Variants in PTPRS observed in about 807,000 individuals in gnomAD.
PTPRS encodes receptor-type tyrosine-protein phosphatase S.
Under a neutral mutation model 215.3 loss-of-function variants are expected in PTPRS, and 63 were observed. That is an observed-to-expected ratio of 0.29 (90% CI 0.24 to 0.36). The LOEUF (loss-of-function observed/expected upper bound fraction) is 0.36, where lower values mean the gene tolerates loss of function less well. Ranked by LOEUF, PTPRS falls within the 10% of genes least tolerant of loss-of-function variation. The pLI, the probability that PTPRS is intolerant of heterozygous loss-of-function variation, is 1.00. For synonymous variants in PTPRS, 1,404 were observed against 1,191.4 expected, an observed-to-expected ratio of 1.18 and a Z score of -3.68; for missense variants, 2,258 against 2,825.8, an observed-to-expected ratio of 0.80 and a Z score of 4.56.
chr19:5,211,494 ATC>A (rs1233159802), intron 33 of PTPRS, 94 bp downstream of exon 33: 5 of 1,280,208 alleles, frequency 3.9e-6, no homozygotes, highest in Non-Finnish European at 5.3e-6. Flanking sequence ...GGCTACCAGT[ATC>A]TCCCCAGCTC....
intron 4 of PTPRS, among the ~76,000 whole-genome samples, chr19:5,267,650 G>T (rs1201409017): frequency 1.0e-5 from 1 of 97,478 alleles, no homozygotes; most frequent in Admixed American, 1.0e-4. Flanking sequence ...GAGCAAGACT[G>T]TCTCAAAAAA....
intron 1 of PTPRS, among the ~76,000 whole-genome samples, chr19:5,299,728 C>T (rs764556512): frequency 4.0e-5 from 6 of 151,628 alleles, no homozygotes; most frequent in East Asian, 2.0e-4. Context: ...AAAAATTAGC[C>T]GGGCATGGTG....
intron 30 of PTPRS, among the ~76,000 whole-genome samples, chr19:5,214,136 G>T (rs556338877): frequency 6.6e-6 from 1 of 152,212 alleles, no homozygotes. Flanking sequence ...GTTGGGCTCT[G>T]CCGGCTTTGT....
intron 1 of PTPRS, among the ~76,000 whole-genome samples, 171 bp downstream of exon 1, chr19:5,340,493 G>T (rs115476531): frequency 0.011 from 1,697 of 151,416 alleles, 25 homozygotes; most frequent in African/African-American, 0.039. Flanking sequence ...GGGCGCAGCG[G>T]CTGGGCGTGC....
chr19:5,219,816 T>G, intron 22 of PTPRS, 123 bp downstream of exon 22: 1 of 1,137,534 alleles, frequency 8.8e-7, no homozygotes, highest in South Asian at 1.5e-5. Context: ...AGTCTTCCCC[T>G]CTGCCCAGCT....
chr19:5,264,185 GGA>G (rs1555786986), intron 5 of PTPRS, among the ~76,000 whole-genome samples: 1 of 44,906 alleles, frequency 2.2e-5, no homozygotes, highest in Non-Finnish European at 7.0e-5. Context: ...GCTCAGCCTT[GGA>G]GAGACTCTCT....
chr19:5,309,165 G>C (rs1402811069), intron 1 of PTPRS, among the ~76,000 whole-genome samples: 1 of 151,690 alleles, frequency 6.6e-6, no homozygotes, highest in African/African-American at 2.4e-5. Flanking sequence ...AGGGGGGGTT[G>C]GCTGGCTCTG....
chr19:5,222,090 C>T (rs2042025371), intron 19 of PTPRS, 33 bp downstream of exon 19: 2 of 1,565,368 alleles, frequency 1.3e-6, no homozygotes, highest in Non-Finnish European at 1.8e-6. Flanking sequence ...CTGACCCTGC[C>T]TGCCTGCCTG....
rs796731693 is a variant in PTPRS, at chr19:5,298,662, G to A, written c.-94-12428C>T. Among the ~76,000 whole-genome samples, 13 of 152,316 alleles carry A rather than the reference G, an allele frequency of 8.5e-5. No homozygotes were observed. The East Asian group carries it at 1.9e-3, about 23-fold the overall frequency. ...ATGTTCACATCACAGCCCTGGCGCC[G>A]GGTCTACCCGCCAGCCGCACCGCAG... On this transcript the variant is annotated intron_variant, in intron 1 of 37. Transcript: ENST00000262963.
intron 2 of PTPRS, among the ~76,000 whole-genome samples, chr19:5,275,099 C>T (rs2047247003): frequency 6.7e-6 from 1 of 149,770 alleles, no homozygotes; most frequent in Non-Finnish European, 1.5e-5. Context: ...CAGACAGTGT[C>T]TCACTCTGTC....
Position 5,238,875 on chromosome 19 carries a change from C to G in PTPRS, c.1849+44G>C, listed in dbSNP as rs770858029. The G allele has an allele frequency of 5.9e-6, 9 of 1,534,300 alleles. No individual in the cohort carries two copies. In the South Asian group the frequency reaches 1.1e-4, roughly 19 times the overall value. ...GCCGAGGGGCTGTCTGCGGTCAGGC[C>G]GTGGTCCCTCCCGCAGAGAAGGGCG... On this transcript the variant is annotated intron_variant, in intron 13 of 37. Coordinates refer to ENST00000262963, the MANE Select transcript of PTPRS (RefSeq NM_002850.4).
chr19:5,311,943 G>A (rs1334936159), intron 1 of PTPRS, among the ~76,000 whole-genome samples: 1 of 152,142 alleles, frequency 6.6e-6, no homozygotes, highest in Non-Finnish European at 1.5e-5. Flanking sequence ...GGGAGGCTGA[G>A]GCAGGAGAAT....
chr19:5,300,152 A>C lies in PTPRS; in HGVS notation c.-94-13918T>G, dbSNP rs2049257198. Among the ~76,000 whole-genome samples the C allele has an allele frequency of 2.6e-5, 4 of 151,262 alleles. No homozygotes were observed. The South Asian group carries it at 8.4e-4, about 32-fold the overall frequency. On this transcript the variant is annotated intron_variant, in intron 1 of 37. Transcript: ENST00000262963. ...GCTACATGGGAGGCTGAGGCATGAGAATTGCTAGAACCCAGGAGGTGGACA... is the reference window on the plus strand; with the variant it reads ...GCTACATGGGAGGCTGAGGCATGAGCATTGCTAGAACCCAGGAGGTGGACA...
chr19:5,285,491 C>G (rs1599952152), intron 2 of PTPRS, among the ~76,000 whole-genome samples: 1 of 152,224 alleles, frequency 6.6e-6, no homozygotes, highest in African/African-American at 2.4e-5. Flanking sequence ...TTTCTATCGG[C>G]GAACTCCTAT....
rs780426539 is a variant in PTPRS, at chr19:5,258,005, G to T, written c.706+12C>A. On this transcript the variant is annotated intron_variant, in intron 8 of 37. Coordinates refer to ENST00000262963, the MANE Select transcript of PTPRS (RefSeq NM_002850.4). ...GGGTCCCTGCCTTTGACCTGGACGCGGCGTTCCCTACCTCGCACGTAGAGG... is the reference window on the plus strand; with the variant it reads ...GGGTCCCTGCCTTTGACCTGGACGCTGCGTTCCCTACCTCGCACGTAGAGG... The T allele has an allele frequency of 1.9e-6, 3 of 1,609,808 alleles. No individual in the cohort carries two copies. The highest frequency in any genetic ancestry group is 2.5e-6 in the Non-Finnish European group (3 of 1,176,976).
Position 5,214,564 on chromosome 19 carries a change from T to C in PTPRS, c.4491A>G (p.Ser1497=), listed in dbSNP as rs1244889457. 2 of 1,611,352 alleles carry C rather than the reference T, an allele frequency of 1.2e-6. No homozygotes were observed. Among genetic ancestry groups the C allele is most frequent in the South Asian group, 2.2e-5 (2 of 91,058 alleles). Residue 1497 remains serine (S), a synonymous_variant, in exon 29 of 38, where the codon TCA becomes TCG. Transcript: ENST00000262963. ...GGCCGTGGGGTCCAAGGCTCACCCG[T>C]GACTTCTCCTCCAGCCGCGTCATCA... ...IVMMTRLEEK[S]RIKCDQYWPN...
intron 10 of PTPRS, 53 bp downstream of exon 10, chr19:5,245,723 G>A: frequency 1.3e-6 from 2 of 1,508,008 alleles, no homozygotes; most frequent in Admixed American, 2.1e-5. Context: ...CCTGAAGTCG[G>A]GGATCGACTC....
rs45439595 is a variant in PTPRS, at chr19:5,212,300, G to T, written c.4769+37C>A. 9 of 1,608,702 alleles carry T rather than the reference G, an allele frequency of 5.6e-6. No individual in the cohort carries two copies. The Admixed American group carries it at 6.7e-5, about 12-fold the overall frequency. ...CAGGGGCTGCTGGGCTGCGGGGACC[G>T]GGGGGAAGCGGATGGGGCAGAGTGG... On this transcript the variant is annotated intron_variant, in intron 31 of 37. Transcript: ENST00000262963.
intron 1 of PTPRS, among the ~76,000 whole-genome samples, chr19:5,298,110 T>C (rs565295593): frequency 1.3e-4 from 20 of 152,184 alleles, no homozygotes; most frequent in Admixed American, 2.6e-4. Flanking sequence ...CAGTCTTTCT[T>C]CTATGCATAC....
Sources: gnomAD v4.1 joint callset for allele counts (sites outside exome capture counted in the v4.1 genomes callset) on GRCh38, gnomAD v4.1.1 for gene constraint, MANE v1.5 for transcripts, NCBI Gene and HGNC (gene_info 2026-07-23, HGNC 2026-07-21) for gene names.